The following PNKD variants were observed in gnomAD, a reference collection of about 807,000 sequenced individuals.
The protein encoded by PNKD is probable thioesterase PNKD.
In PNKD, 36 loss-of-function variants were observed where a neutral mutation model predicts 45.3. The observed-to-expected ratio is 0.80, with a 90% CI of 0.61 to 1.05. The LOEUF is 1.05. Ranked by LOEUF, PNKD falls within the 50% of genes least tolerant of loss-of-function variation. The pLI is 0.00. For synonymous variants in PNKD, 197 were observed against 210.1 expected, an observed-to-expected ratio of 0.94 and a Z score of 0.54; for missense variants, 511 against 506.6, an observed-to-expected ratio of 1.01 and a Z score of -0.08.
intron 6 of PNKD, 157 bp from the exon 7 acceptor site, chr2:218,341,824 G>C (rs1694685571): frequency 2.6e-6 from 2 of 770,262 alleles, no homozygotes; most frequent in Non-Finnish European, 4.5e-6. Flanking sequence ...AGGAAAGGGG[G>C]AGGGTTCGGA....
At chr2:218,321,124 A>ACGCT (rs1693974337) in intron 2 of PNKD, among the ~76,000 whole-genome samples, 1 of 86,532 alleles carries the variant, frequency 1.2e-5, no homozygotes. Context: ...CTACAAGCTC[A>ACGCT]TGCTTGAGCA....
chr2:218,299,478 G>T (rs549790606), intron 2 of PNKD, among the ~76,000 whole-genome samples: 2 of 151,912 alleles, frequency 1.3e-5, no homozygotes, highest in East Asian at 1.9e-4. Context: ...ACAGGGTTTC[G>T]CTCTCACCCA....
In PNKD at chr2:218,340,198, T is replaced by G; in HGVS notation, c.465+57T>G. The G allele has an allele frequency of 9.1e-7, 1 of 1,094,880 alleles. No individual in the cohort carries two copies. The allele number at this position is 1,094,880 out of a possible 1,614,324, so 67.8% of individuals were successfully genotyped here. A position where few individuals can be genotyped will look rare whatever the true frequency, so the allele number is the denominator to read the frequency against. Reference sequence around the variant, plus strand: ...GGAGTCACCTTGGGGACTGGCAGTTTCGCCTTGCTAGAGAGGGCTGACCCT... The same window carrying G: ...GGAGTCACCTTGGGGACTGGCAGTTGCGCCTTGCTAGAGAGGGCTGACCCT... On this transcript the variant is annotated intron_variant, in intron 4 of 9. Coordinates refer to ENST00000273077, the MANE Select transcript of PNKD (RefSeq NM_015488.5). This position sits in a 1 kb window ranked among gnomAD's most constrained non-coding sequence, Gnocchi z 4.2.
chr2:218,329,029 G>A (rs929065213), intron 2 of PNKD, among the ~76,000 whole-genome samples: 1 of 152,122 alleles, frequency 6.6e-6, no homozygotes, highest in Non-Finnish European at 1.5e-5. Context: ...TCAACATGGC[G>A]AAACCCCATC....
intron 2 of PNKD, chr2:218,327,889 G>C (rs967486540): frequency 6.7e-6 from 1 of 148,640 alleles, no homozygotes; most frequent in African/African-American, 2.5e-5. Flanking sequence ...TTGAACCCAG[G>C]AGGCAGAGGT....
intron 2 of PNKD, among the ~76,000 whole-genome samples, chr2:218,296,666 T>TG (rs1412938396): frequency 6.6e-6 from 1 of 152,052 alleles, no homozygotes; most frequent in African/African-American, 2.4e-5. Context: ...TTTTTCTGTT[T>TG]TTCTTTTTCT....
In PNKD at chr2:218,341,967, C is replaced by G; in HGVS notation, c.618-14C>G. On this transcript the variant is annotated splice_polypyrimidine_tract_variant and intron_variant, in intron 6 of 9. Transcript: ENST00000273077. ...GATCCAATACCTTCTGTCCCCTGCT[C>G]CCTTGTTCCCCAGTCCCCTGTGTCA... 1.9e-6 allele frequency: 3 copies of G among 1,607,598 alleles called. No individual in the cohort carries two copies. The highest frequency in any genetic ancestry group is 1.7e-6 in the Non-Finnish European group (2 of 1,174,060).
intron 2 of PNKD, among the ~76,000 whole-genome samples, chr2:218,298,156 G>A (rs555763706): frequency 6.6e-6 from 1 of 152,288 alleles, no homozygotes; most frequent in South Asian, 2.1e-4. Flanking sequence ...GGAAGTGGGT[G>A]GCACCATGAG....
In PNKD at chr2:218,339,595, G is replaced by A. The variant is rs182076034; in HGVS notation, c.237-188G>A. ...TAGATTTTGAGTTCTAGGTGTGTCCGTCTCATTCTCCATCTTGTCCTGAGT... is the reference window on the plus strand; with the variant it reads ...TAGATTTTGAGTTCTAGGTGTGTCCATCTCATTCTCCATCTTGTCCTGAGT... On this transcript the variant is annotated intron_variant, in intron 2 of 9. Coordinates refer to ENST00000273077, the MANE Select transcript of PNKD (RefSeq NM_015488.5). Among the ~76,000 whole-genome samples the A allele has an allele frequency of 3.3e-3, 498 of 152,110 alleles. 12 individuals carry two copies. Among genetic ancestry groups the A allele is most frequent in the Non-Finnish European group, 1.3e-3 (90 of 68,006 alleles).
At chr2:218,284,417 C>G (rs985899949) in intron 2 of PNKD, among the ~76,000 whole-genome samples, 1 of 152,228 alleles carries the variant, frequency 6.6e-6, no homozygotes, top group African/African-American at 2.4e-5. Context: ...GCAGGGCAAA[C>G]AGCTAACTTT....
At chr2:218,302,782 C>G (rs1693303056) in intron 2 of PNKD, among the ~76,000 whole-genome samples, 1 of 152,194 alleles carries the variant, frequency 6.6e-6, no homozygotes, top group Admixed American at 6.5e-5. Flanking sequence ...ACCCTGAGAA[C>G]ACGTGGCCCA....
intron 9 of PNKD, 73 bp downstream of exon 9, chr2:218,344,643 C>A: frequency 1.4e-6 from 2 of 1,439,394 alleles, no homozygotes; most frequent in Admixed American, 1.7e-5. Flanking sequence ...TCCATGCTGA[C>A]CCCAGGCCTG....
rs939274259 is a variant in PNKD at position 218,271,684 on chromosome 2, A to C, written c.236+135A>C. 10 of 744,452 alleles carry C rather than the reference A, an allele frequency of 1.3e-5. No homozygotes were observed. In the Admixed American group the frequency reaches 1.9e-4, roughly 14 times the overall value. 46.1% of individuals were successfully genotyped at this position (744,452 alleles called of 1,614,324 possible). A position where few individuals can be genotyped will look rare whatever the true frequency, so the allele number is the denominator to read the frequency against. ...GAACAGAATTGTTGGGTTCGATTGG[A>C]ATCTCAGAGGGGTGGGGCAGTGGAG... is the stretch of plus-strand genomic sequence containing the variant. On this transcript the variant is annotated intron_variant, in intron 2 of 9. Transcript: ENST00000273077.
intron 2 of PNKD, chr2:218,272,759 C>A: frequency 1.2e-6 from 2 of 1,614,084 alleles, no homozygotes; most frequent in Non-Finnish European, 8.5e-7. Context: ...GGGTGCAGAC[C>A]TGAGGAGCGC....
chr2:218,331,797 A>C (rs1442723125), intron 2 of PNKD, among the ~76,000 whole-genome samples: 1 of 152,128 alleles, frequency 6.6e-6, no homozygotes, highest in African/African-American at 2.4e-5. Context: ...GAATATAGTC[A>C]TATTGTTTTC....
At position 218,339,820 on chromosome 2, in the gene PNKD, T is replaced by A; in HGVS notation, c.274T>A (p.Phe92Ile). 6.2e-7 allele frequency: 1 copy of A among 1,613,910 alleles called. No homozygotes were observed. ...CACCCGCACCTGGCTCGGGTACCTC[T>A]TCTACCGACAGCAGCTGCGCAGGGC... ...LYTRTWLGYL[F>I]YRQQLRRARN... The change falls in exon 3 of 10, where the codon TTC (phenylalanine) becomes ATC (isoleucine). Residue 92 changes from phenylalanine (F) to isoleucine (I), a missense_variant. Transcript: ENST00000273077.
At position 218,319,320 on chromosome 2, in the gene PNKD, G is replaced by A. The variant is rs573693576; in HGVS notation, c.237-20463G>A. On this transcript the variant is annotated intron_variant, in intron 2 of 9. Coordinates refer to ENST00000273077, the MANE Select transcript of PNKD (RefSeq NM_015488.5). ...TGCGTATGTCAGACTCTCAACCTCT[G>A]TACTGCAGACATTGGGGCCATTTGT... Among the ~76,000 whole-genome samples the A allele has an allele frequency of 2.7e-5, 4 of 146,802 alleles. No homozygotes were observed. The East Asian group carries it at 8.2e-4, about 30-fold the overall frequency.
intron 2 of PNKD, among the ~76,000 whole-genome samples, chr2:218,290,676 A>G (rs1355691661): frequency 6.6e-6 from 1 of 152,260 alleles, no homozygotes; most frequent in Non-Finnish European, 1.5e-5. Context: ...ACAAATCATT[A>G]CAGACAAAAG....
chr2:218,299,244 C>T (rs545581075), intron 2 of PNKD, among the ~76,000 whole-genome samples: 14 of 152,264 alleles, frequency 9.2e-5, no homozygotes, highest in South Asian at 6.2e-4. Context: ...GAGGTTTAAA[C>T]GATTCTCCTG....
Sources: gnomAD v4.1 joint callset for allele counts (sites outside exome capture counted in the v4.1 genomes callset) on GRCh38, gnomAD v4.1.1 for gene constraint, Gnocchi (gnomAD v3.1) non-coding constraint, MANE v1.5 for transcripts, NCBI Gene and HGNC (gene_info 2026-07-23, HGNC 2026-07-21) for gene names.